APBB2: variants seen among roughly 807,000 people sequenced by gnomAD.
The protein encoded by APBB2 is Fe65-like 1.
Under a neutral mutation model 82.5 loss-of-function variants are expected in APBB2, and 38 were observed. The observed-to-expected ratio is 0.46, with a 90% CI of 0.36 to 0.60. APBB2 has a LOEUF of 0.60. Among genes scored for constraint, APBB2 ranks in the 20% least tolerant of loss-of-function variants. The pLI, the probability that APBB2 is intolerant of heterozygous loss-of-function variation, is 0.00. For missense variants in APBB2, 772 were observed against 972.3 expected, an observed-to-expected ratio of 0.79 and a Z score of 2.74; for synonymous variants, 341 against 368.2, an observed-to-expected ratio of 0.93 and a Z score of 0.85.
chr4:41,049,087 C>A (rs1438096397), intron 4 of APBB2, among the ~76,000 whole-genome samples: 2 of 151,860 alleles, frequency 1.3e-5, no homozygotes, highest in Non-Finnish European at 2.9e-5. Context: ...GCCGCCACCC[C>A]GTCTGGGAAG....
At chr4:40,833,378 G>A (rs150543712) in intron 12 of APBB2, among the ~76,000 whole-genome samples, 221 of 152,292 alleles carry the variant, frequency 1.5e-3, no homozygotes, top group South Asian at 0.012. Flanking sequence ...CTTGGTGTCC[G>A]CTCGTAGTGG....
At chr4:40,885,298 G>T (rs1038144534) in intron 12 of APBB2, among the ~76,000 whole-genome samples, 36 of 152,204 alleles carry the variant, frequency 2.4e-4, no homozygotes, top group African/African-American at 8.4e-4. Flanking sequence ...CCCATTAAAG[G>T]GAAGAAAGTT....
At chr4:40,922,097 G>A (rs145986958) in intron 10 of APBB2, among the ~76,000 whole-genome samples, 134 of 152,304 alleles carry the variant, frequency 8.8e-4, no homozygotes, top group Middle Eastern at 6.8e-3. Context: ...TCATTAGTCT[G>A]AGGGTCTCCT....
chr4:41,079,198 C>T (rs548175331), intron 3 of APBB2, among the ~76,000 whole-genome samples: 1 of 152,338 alleles, frequency 6.6e-6, no homozygotes, highest in East Asian at 1.9e-4. Flanking sequence ...ATGACCTTGG[C>T]TATGAATCTG....
chr4:41,092,758 C>T (rs1344678555), intron 3 of APBB2, among the ~76,000 whole-genome samples: 2 of 151,650 alleles, frequency 1.3e-5, no homozygotes, highest in Admixed American at 6.6e-5. Flanking sequence ...TTACAGCAAT[C>T]TAAGATGTAA....
chr4:41,193,613 G>T, intron 1 of APBB2: 1 of 978,484 alleles, frequency 1.0e-6, no homozygotes, highest in Non-Finnish European at 1.2e-6. Context: ...CCTTGCGGAG[G>T]CTGCTGTTTT....
At chr4:40,821,616 C>T (rs906127596) in intron 17 of APBB2, among the ~76,000 whole-genome samples, 3 of 152,118 alleles carry the variant, frequency 2.0e-5, no homozygotes, top group Non-Finnish European at 4.4e-5. Context: ...AAGGATTGAC[C>T]GTCGTCAAGG....
At chr4:41,040,047 C>T (rs545507985) in intron 4 of APBB2, among the ~76,000 whole-genome samples, 49 of 151,874 alleles carry the variant, frequency 3.2e-4, no homozygotes, top group Admixed American at 6.6e-4. Flanking sequence ...CTTGTGAAAA[C>T]GTTCACAAAT....
chr4:40,846,938 TA>T (rs147731669), intron 12 of APBB2, among the ~76,000 whole-genome samples: 7 of 147,934 alleles, frequency 4.7e-5, no homozygotes, highest in Admixed American at 1.4e-4. Context: ...TATCACAGAT[TA>T]AAAAAAAAAC....
chr4:40,941,141 CTTT>C (rs151206804), intron 7 of APBB2, among the ~76,000 whole-genome samples: 2 of 147,068 alleles, frequency 1.4e-5, no homozygotes, highest in Admixed American at 6.8e-5. Flanking sequence ...TTATTTGATT[CTTT>C]TTTTTTTTTT....
intron 3 of APBB2, among the ~76,000 whole-genome samples, chr4:41,079,016 G>A (rs1736612733): frequency 2.0e-5 from 3 of 152,198 alleles, no homozygotes; most frequent in Admixed American, 2.0e-4. Context: ...GGAGCAGGAG[G>A]GAAATTACCA....
intron 1 of APBB2, among the ~76,000 whole-genome samples, chr4:41,199,979 A>T (rs569984871): frequency 6.6e-6 from 1 of 152,324 alleles, no homozygotes; most frequent in East Asian, 1.9e-4. Flanking sequence ...GATTTGGGGA[A>T]ATGATCTGGT....
At chr4:40,880,184 A>C in intron 12 of APBB2, 1 of 985,390 alleles carries the variant, frequency 1.0e-6, no homozygotes, top group Non-Finnish European at 1.2e-6. Context: ...GCACAATTAC[A>C]TTGCAAATGG....
intron 1 of APBB2, among the ~76,000 whole-genome samples, chr4:41,205,093 G>C (rs1464039250): frequency 1.3e-5 from 2 of 152,144 alleles, no homozygotes; most frequent in Non-Finnish European, 2.9e-5. Context: ...TTTGTTTTCA[G>C]AATAATTCTG....
chr4:41,095,384 C>T (rs1047663739), intron 3 of APBB2, among the ~76,000 whole-genome samples: 2 of 152,348 alleles, frequency 1.3e-5, no homozygotes, highest in East Asian at 3.9e-4. Context: ...CACCCCTTCT[C>T]TTAACTGGTC....
At chr4:41,012,033 C>G (rs1808515580) in intron 6 of APBB2, among the ~76,000 whole-genome samples, 1 of 151,912 alleles carries the variant, frequency 6.6e-6, no homozygotes, top group Non-Finnish European at 1.5e-5. Flanking sequence ...CCATGCCCAA[C>G]TAATTTTTTT....
At chr4:40,936,278 G>A (rs563797502) in intron 7 of APBB2, among the ~76,000 whole-genome samples, 1 of 152,278 alleles carries the variant, frequency 6.6e-6, no homozygotes, top group East Asian at 1.9e-4. Flanking sequence ...TTGAGACAGG[G>A]TCTCACTCTG....
At chr4:41,092,562 G>A (rs143135970) in intron 3 of APBB2, among the ~76,000 whole-genome samples, 1 of 152,084 alleles carries the variant, frequency 6.6e-6, no homozygotes, top group African/African-American at 2.4e-5. Context: ...GGTGGCGCGT[G>A]TGTGTACTCG....
At chr4:40,844,970 AATT>A (rs1358465358) in intron 12 of APBB2, among the ~76,000 whole-genome samples, 1 of 152,234 alleles carries the variant, frequency 6.6e-6, no homozygotes, top group African/African-American at 2.4e-5. Flanking sequence ...TTTTGTGTAT[AATT>A]ATTATTGTAG....
Sources: allele counts gnomAD v4.1 joint callset (sites outside exome capture counted in the v4.1 genomes callset), GRCh38; gene constraint gnomAD v4.1.1; transcripts MANE v1.5; gene names NCBI Gene and HGNC (gene_info 2026-07-23, HGNC 2026-07-21).